Variants in PRKCA observed in about 807,000 individuals in gnomAD.
PRKCA encodes the protein protein kinase C alpha type.
A neutral mutation model predicts 87.0 loss-of-function variants in PRKCA; 27 were observed. The ratio of observed to expected loss-of-function variants is 0.31; its 90% CI spans 0.23 to 0.43. The LOEUF (loss-of-function observed/expected upper bound fraction) is 0.43, where lower values mean the gene tolerates loss of function less well. Among genes scored for constraint, PRKCA ranks in the 20% least tolerant of loss-of-function variants. The pLI, the probability that PRKCA is intolerant of heterozygous loss-of-function variation, is 1.00. For missense variants in PRKCA, 518 were observed against 852.3 expected, an observed-to-expected ratio of 0.61 and a Z score of 4.88; for synonymous variants, 329 against 311.1, an observed-to-expected ratio of 1.06 and a Z score of -0.61.
chr17:66,432,499 T>A (rs1330370307), intron 2 of PRKCA, among the ~76,000 whole-genome samples: 2 of 152,160 alleles, frequency 1.3e-5, no homozygotes, highest in Admixed American at 6.5e-5. Context: ...TTAATCTTCC[T>A]CCCTGATAAT....
intron 8 of PRKCA, among the ~76,000 whole-genome samples, chr17:66,726,392 G>C (rs1191863378): frequency 6.6e-6 from 1 of 152,242 alleles, no homozygotes; most frequent in East Asian, 1.9e-4. Flanking sequence ...AAGGTGAACA[G>C]AACAGCAAGA....
At chr17:66,784,917 G>C (rs950981053) in intron 14 of PRKCA, among the ~76,000 whole-genome samples, 1 of 152,196 alleles carries the variant, frequency 6.6e-6, no homozygotes, top group Non-Finnish European at 1.5e-5. Flanking sequence ...GCTCCTGCTG[G>C]TGGAAGTTGC....
chr17:66,447,233 G>A (rs998247241), intron 2 of PRKCA, among the ~76,000 whole-genome samples: 2 of 152,184 alleles, frequency 1.3e-5, no homozygotes, highest in African/African-American at 4.8e-5. Context: ...GATGGTGACA[G>A]AGTGAGAGAG....
chr17:66,531,140 G>A (rs968260492), intron 3 of PRKCA, among the ~76,000 whole-genome samples: 6 of 152,170 alleles, frequency 3.9e-5, no homozygotes, highest in African/African-American at 1.2e-4. Flanking sequence ...GGAAACACCT[G>A]AGCACAGGGC....
At chr17:66,384,034 C>G (rs983306268) in intron 2 of PRKCA, among the ~76,000 whole-genome samples, 4 of 152,054 alleles carry the variant, frequency 2.6e-5, no homozygotes, top group Non-Finnish European at 5.9e-5. Flanking sequence ...TTGCACTTTC[C>G]TATTTTTTAT....
At chr17:66,615,476 T>C (rs936425200) in intron 3 of PRKCA, among the ~76,000 whole-genome samples, 1 of 152,172 alleles carries the variant, frequency 6.6e-6, no homozygotes, top group Non-Finnish European at 1.5e-5. Flanking sequence ...GTTCTAAACA[T>C]CCTGCTTTAG....
At chr17:66,417,407 T>C (rs1912219164) in intron 2 of PRKCA, among the ~76,000 whole-genome samples, 1 of 152,108 alleles carries the variant, frequency 6.6e-6, no homozygotes, top group Non-Finnish European at 1.5e-5. Context: ...GGAATTTGTC[T>C]TTGCCTGGAT....
At chr17:66,708,036 C>T (rs1048840236) in intron 8 of PRKCA, among the ~76,000 whole-genome samples, 9 of 152,158 alleles carry the variant, frequency 5.9e-5, no homozygotes, top group Non-Finnish European at 1.3e-4. Context: ...CCAAGGTGCT[C>T]ATGGTGTTGT....
intron 13 of PRKCA, among the ~76,000 whole-genome samples, chr17:66,754,988 C>T (rs1025172765): frequency 3.9e-5 from 6 of 152,042 alleles, no homozygotes; most frequent in South Asian, 2.1e-4. Flanking sequence ...GATTTGGCGG[C>T]GGGGGATGCA....
chr17:66,313,034 C>A (rs865973644), intron 2 of PRKCA, among the ~76,000 whole-genome samples: 6 of 152,100 alleles, frequency 3.9e-5, no homozygotes, highest in African/African-American at 1.2e-4. Flanking sequence ...CTCCCGCGCC[C>A]CACCCTTCCT....
intron 3 of PRKCA, among the ~76,000 whole-genome samples, chr17:66,551,484 G>C (rs1968329514): frequency 6.6e-6 from 1 of 152,234 alleles, no homozygotes; most frequent in Admixed American, 6.5e-5. Context: ...TCTCGCCATA[G>C]GGCAGCTCGC....
At chr17:66,565,147 G>A (rs988462249) in intron 3 of PRKCA, among the ~76,000 whole-genome samples, 9 of 152,140 alleles carry the variant, frequency 5.9e-5, no homozygotes, top group Admixed American at 1.3e-4. Flanking sequence ...TTTCCTAACC[G>A]TAAAATGGGA....
At chr17:66,358,031 C>T (rs2143462799) in intron 2 of PRKCA, among the ~76,000 whole-genome samples, 1 of 152,140 alleles carries the variant, frequency 6.6e-6, no homozygotes, top group South Asian at 2.1e-4. Context: ...ATAGAATTGC[C>T]TTTTGTTCTG....
chr17:66,751,431 A>G (rs1974425033), intron 13 of PRKCA, among the ~76,000 whole-genome samples: 1 of 152,190 alleles, frequency 6.6e-6, no homozygotes, highest in African/African-American at 2.4e-5. Flanking sequence ...TTGCCACCTC[A>G]GTGTATCACT....
intron 2 of PRKCA, among the ~76,000 whole-genome samples, chr17:66,332,612 A>G (rs1018114473): frequency 6.6e-6 from 1 of 151,182 alleles, no homozygotes; most frequent in Non-Finnish European, 1.5e-5. Context: ...GCATCTAAAG[A>G]CTCTGTTGAC....
intron 2 of PRKCA, among the ~76,000 whole-genome samples, chr17:66,335,540 TG>T (rs1178557389): frequency 6.6e-6 from 1 of 150,684 alleles, no homozygotes; most frequent in East Asian, 1.9e-4. Context: ...GCTGTAGAAC[TG>T]AGTACACTCC....
intron 5 of PRKCA, among the ~76,000 whole-genome samples, chr17:66,647,772 A>T (rs974341090): frequency 6.6e-6 from 1 of 152,058 alleles, no homozygotes; most frequent in Non-Finnish European, 1.5e-5. Context: ...AAGGAACAAG[A>T]CCTTTCACTG....
intron 2 of PRKCA, among the ~76,000 whole-genome samples, chr17:66,411,401 T>C (rs555468066): frequency 3.9e-5 from 6 of 152,264 alleles, no homozygotes; most frequent in Non-Finnish European, 8.8e-5. Flanking sequence ...CAGCAGTCTT[T>C]GGTCTTTTAG....
intron 2 of PRKCA, among the ~76,000 whole-genome samples, chr17:66,481,264 T>C (rs1182649225): frequency 6.6e-6 from 1 of 152,132 alleles, no homozygotes; most frequent in Non-Finnish European, 1.5e-5. Context: ...GAAGTTGATC[T>C]TTACAACCAC....
Sources: allele counts gnomAD v4.1 joint callset (sites outside exome capture counted in the v4.1 genomes callset), GRCh38; gene constraint gnomAD v4.1.1; transcripts MANE v1.5; gene names NCBI Gene and HGNC (gene_info 2026-07-23, HGNC 2026-07-21).